Variants in ZNF236 observed in about 807,000 individuals in gnomAD.
The protein encoded by ZNF236 is regulated by glucose.
A neutral mutation model predicts 191.2 loss-of-function variants in ZNF236; 50 were observed. The ratio of observed to expected loss-of-function variants is 0.26; its 90% CI spans 0.21 to 0.33. The LOEUF is 0.33. Among genes scored for constraint, ZNF236 ranks in the 10% least tolerant of loss-of-function variants. The probability of loss-of-function intolerance (pLI) is 1.00; values close to 1 mark genes in which losing one functional copy is unlikely to be tolerated. For missense variants in ZNF236, 1,754 were observed against 2,374.5 expected (o/e 0.74, Z 5.43); for synonymous variants, 907 against 928.8 (o/e 0.98, Z 0.43).
At chr18:76,934,092 C>CA (rs1314475181) in intron 25 of ZNF236, among the ~76,000 whole-genome samples, 1 of 152,152 alleles carries the variant, frequency 6.6e-6, no homozygotes, top group African/African-American at 2.4e-5. Context: ...TTTTTTGATT[C>CA]TCTATGCAAG....
At chr18:76,828,122 C>A (rs4890826) in intron 1 of ZNF236, among the ~76,000 whole-genome samples, 5 of 151,704 alleles carry the variant, frequency 3.3e-5, no homozygotes, top group Admixed American at 1.3e-4. Context: ...ATTCAAGAGC[C>A]CAAGGGGAGG....
chr18:76,934,161 G>A (rs969743762), intron 25 of ZNF236, among the ~76,000 whole-genome samples: 3 of 152,090 alleles, frequency 2.0e-5, no homozygotes, highest in Non-Finnish European at 2.9e-5. Flanking sequence ...CATCTTAATC[G>A]AAGGCATTGA....
At chr18:76,885,336 AC>A (rs953266731) in intron 9 of ZNF236, 2 of 152,428 alleles carry the variant, frequency 1.3e-5, no homozygotes, top group African/African-American at 4.8e-5. Flanking sequence ...GGTTCTGGGA[AC>A]CACATGGGGG....
intron 30 of ZNF236, among the ~76,000 whole-genome samples, chr18:76,963,964 C>G (rs564876606): frequency 6.6e-6 from 1 of 152,228 alleles, no homozygotes; most frequent in Admixed American, 6.5e-5. Context: ...TTCCTCTCTT[C>G]TTGGTTAATC....
intron 3 of ZNF236, among the ~76,000 whole-genome samples, chr18:76,860,511 G>A (rs1328604014): frequency 2.6e-5 from 4 of 152,152 alleles, no homozygotes; most frequent in African/African-American, 9.7e-5. Context: ...CCACAGATGG[G>A]CCAGGTTCTT....
rs533152670 is a variant in ZNF236 at position 76,891,813 on chromosome 18, A to G, written c.1418-3200A>G. ...GTAATGCCACCTTGATCACACTCCCAAATCGATATATGTCTTTTCTGGACT... is the reference window on the plus strand; with the variant it reads ...GTAATGCCACCTTGATCACACTCCCGAATCGATATATGTCTTTTCTGGACT... On this transcript the variant is annotated intron_variant, in intron 9 of 30. Coordinates refer to ENST00000320610, the MANE Select transcript of ZNF236 (RefSeq NM_001306089.2). Among the ~76,000 whole-genome samples the G allele has an allele frequency of 2.0e-4, 31 of 152,198 alleles. No homozygotes were observed. In the East Asian group the frequency reaches 6.0e-3, roughly 29 times the overall value.
At chr18:76,838,188 CAG>C (rs1350577050) in intron 1 of ZNF236, among the ~76,000 whole-genome samples, 5 of 152,100 alleles carry the variant, frequency 3.3e-5, no homozygotes, top group African/African-American at 1.2e-4. Context: ...ATCTTGGGCA[CAG>C]AAGTCAGAAA....
Position 76,925,226 on chromosome 18 carries a change from C to T in ZNF236, c.3699C>T (p.Ala1233=), listed in dbSNP as rs546845563. The part of the protein sequence containing the change: ...KLFSCHVCSN[A]FSTKGSLKVH... ...TCAGCTGTCACGTCTGCAGCAACGCCTTCTCCACGAAGGGAAGTCTGAAGG... is the reference window on the plus strand; with the variant it reads ...TCAGCTGTCACGTCTGCAGCAACGCTTTCTCCACGAAGGGAAGTCTGAAGG... Residue 1233 remains alanine (A), a synonymous_variant, in exon 22 of 31, where the codon GCC becomes GCT. Transcript: ENST00000320610. This position sits in a 1 kb window ranked among gnomAD's most constrained non-coding sequence, Gnocchi z 5.7. 7.3e-5 allele frequency: 118 copies of T among 1,614,188 alleles called. 2 individuals are homozygous for T. The South Asian group carries it at 1.2e-3, about 17-fold the overall frequency.
At chr18:76,897,130 GGTACCAAACACA>G (rs1216458886) in intron 10 of ZNF236, among the ~76,000 whole-genome samples, 3 of 151,268 alleles carry the variant, frequency 2.0e-5, no homozygotes, top group Middle Eastern at 7.0e-3. Flanking sequence ...ACTGCACTTA[GGTACCAAACACA>G]GTACCAAACA....
intron 25 of ZNF236, among the ~76,000 whole-genome samples, chr18:76,934,953 T>A (rs961186730): frequency 4.6e-5 from 7 of 152,262 alleles, no homozygotes; most frequent in African/African-American, 1.4e-4. Flanking sequence ...TTAATCTTTT[T>A]AACTTATTTT....
chr18:76,895,836 CCTCAGGGACTGCACACAGTATCACA>C (rs1977389142), intron 10 of ZNF236, among the ~76,000 whole-genome samples: 1 of 151,620 alleles, frequency 6.6e-6, no homozygotes, highest in South Asian at 2.1e-4. Flanking sequence ...CAAATACTGC[CCTCAGGGACTGCACACAGTATCACA>C]CACAGGTATG....
intron 1 of ZNF236, among the ~76,000 whole-genome samples, chr18:76,825,134 G>T (rs1188994073): frequency 1.3e-5 from 2 of 152,120 alleles, no homozygotes; most frequent in Non-Finnish European, 2.9e-5. Flanking sequence ...TTTGTCTTAG[G>T]GCATTTGCCA....
At chr18:76,916,973 C>T (rs188945111) in intron 19 of ZNF236, among the ~76,000 whole-genome samples, 1 of 152,136 alleles carries the variant, frequency 6.6e-6, no homozygotes, top group Non-Finnish European at 1.5e-5. Context: ...ATCTGGGGTC[C>T]CCGGTGGGTT....
chr18:76,912,369 C>G, intron 17 of ZNF236, 22 bp downstream of exon 17: 2 of 1,578,158 alleles, frequency 1.3e-6, no homozygotes, highest in Middle Eastern at 3.7e-4. Context: ...CACAGACCAG[C>G]TCATGGTATT....
chr18:76,919,798 A>C lies in ZNF236; in HGVS notation c.3297A>C (p.Glu1099Asp). Residue 1099 changes from glutamate to aspartate, a missense_variant, in exon 20 of 31, where the codon GAA (glutamate) becomes GAC (aspartate). Glu to Asp is a conservative substitution (Grantham distance 45). Transcript: ENST00000320610. This position sits in a 1 kb window ranked among gnomAD's most constrained non-coding sequence, Gnocchi z 5.3. ...TAGACATTTGTATGGAGGAAGAGGA[A>C]GAACATTCTGACAGAAATGCATCAC... ...EGGDICMEEE[E>D]EHSDRNASRK... 6.2e-7 allele frequency: 1 copy of C among 1,614,150 alleles called. No homozygotes were observed. Among genetic ancestry groups the C allele is most frequent in the Non-Finnish European group, 8.5e-7 (1 of 1,179,978 alleles).
At chr18:76,845,363 G>A (rs946496564) in intron 1 of ZNF236, among the ~76,000 whole-genome samples, 2 of 152,112 alleles carry the variant, frequency 1.3e-5, no homozygotes, top group African/African-American at 2.4e-5. Flanking sequence ...GTCTTCTTAG[G>A]GGGCAGAAAC....
At chr18:76,873,927 C>T (rs1477479171) in intron 5 of ZNF236, among the ~76,000 whole-genome samples, 6 of 151,380 alleles carry the variant, frequency 4.0e-5, no homozygotes, top group African/African-American at 1.5e-4. Context: ...CGTGACCGGG[C>T]CACACTCTCA....
rs780955194 is a variant in ZNF236 at position 76,971,795 on chromosome 18, A to G, written c.*3456A>G. Among the ~76,000 whole-genome samples, 6 of 152,254 alleles carry G rather than the reference A, an allele frequency of 3.9e-5. No homozygotes were observed. The highest frequency in any genetic ancestry group is 8.8e-5 in the Non-Finnish European group (6 of 68,040). On this transcript the variant is annotated 3_prime_UTR_variant, in exon 31 of 31. Transcript: ENST00000320610. ...TAGTTTGGCATGTAAATCAATTTCA[A>G]GATTTATGTACATAAGATTTTTAAA...
In ZNF236 at chr18:76,960,923, A is replaced by G; in HGVS notation, c.5419+68A>G. The stretch of plus-strand genomic sequence containing the variant: ...GCGAGGCACCCTGTGTTTCGCATAC[A>G]TTGTTTCCTTTAGTTCACACAGTGA... On this transcript the variant is annotated intron_variant, in intron 30 of 30. Coordinates refer to ENST00000320610, the MANE Select transcript of ZNF236 (RefSeq NM_001306089.2). The surrounding 1 kb of genome is among the most constrained non-coding windows in gnomAD (Gnocchi z 4.4). 2.0e-6 allele frequency: 3 copies of G among 1,490,774 alleles called. No individual in the cohort carries two copies. Among genetic ancestry groups the G allele is most frequent in the East Asian group, 2.4e-5 (1 of 41,670 alleles). 92.3% of individuals were successfully genotyped at this position (1,490,774 alleles called of 1,614,324 possible).
Sources: gnomAD v4.1 joint callset for allele counts (sites outside exome capture counted in the v4.1 genomes callset) on GRCh38, gnomAD v4.1.1 for gene constraint, Gnocchi (gnomAD v3.1) non-coding constraint, MANE v1.5 for transcripts, NCBI Gene and HGNC (gene_info 2026-07-23, HGNC 2026-07-21) for gene names.